The following COL8A1 variants were observed in gnomAD, a reference collection of about 807,000 sequenced individuals.
COL8A1 encodes collagen alpha-1(VIII) chain.
Under a neutral mutation model 42.7 loss-of-function variants are expected in COL8A1, and 21 were observed. The ratio of observed to expected loss-of-function variants is 0.49; its 90% CI spans 0.35 to 0.71. The LOEUF (loss-of-function observed/expected upper bound fraction) is 0.71. Among genes scored for constraint, COL8A1 ranks in the 30% least tolerant of loss-of-function variants. COL8A1 has a pLI of 0.01. For missense variants in COL8A1, 788 were observed against 962.4 expected (o/e 0.82, Z 2.40); for synonymous variants, 367 against 369.1 (o/e 0.99, Z 0.06).
intron 2 of COL8A1, among the ~76,000 whole-genome samples, chr3:99,785,221 G>A (rs939824290): frequency 6.6e-6 from 1 of 152,142 alleles, no homozygotes. Context: ...TCAAAAATAT[G>A]AGGGCTTTCT....
chr3:99,745,218 C>T (rs1487074010), intron 2 of COL8A1, among the ~76,000 whole-genome samples, 197 bp downstream of exon 2: 1 of 152,138 alleles, frequency 6.6e-6, no homozygotes, highest in Non-Finnish European at 1.5e-5. Flanking sequence ...GTTTTCAAAT[C>T]CCCTGTAGTA....
At chr3:99,734,567 T>A (rs1940639189) in intron 1 of COL8A1, among the ~76,000 whole-genome samples, 1 of 152,060 alleles carries the variant, frequency 6.6e-6, no homozygotes, top group African/African-American at 2.4e-5. Flanking sequence ...GTAGTATAGT[T>A]TGAAGTCAGG....
chr3:99,736,087 C>G (rs1306723612), intron 1 of COL8A1, among the ~76,000 whole-genome samples: 3 of 151,888 alleles, frequency 2.0e-5, no homozygotes, highest in African/African-American at 7.3e-5. Context: ...TTTTGTTGAT[C>G]CTTTCAAAAA....
chr3:99,700,325 T>G (rs1576437489), intron 1 of COL8A1, among the ~76,000 whole-genome samples: 1 of 147,938 alleles, frequency 6.8e-6, no homozygotes, highest in African/African-American at 2.5e-5. Context: ...AGAACTCGCG[T>G]GAAATGGTGT....
chr3:99,677,672 G>C (rs778166022), intron 1 of COL8A1: 2 of 152,164 alleles, frequency 1.3e-5, no homozygotes, highest in Admixed American at 6.6e-5. Flanking sequence ...AAGGTGGAAA[G>C]TACTCAAATA....
intron 1 of COL8A1, among the ~76,000 whole-genome samples, chr3:99,723,313 C>T (rs1355939857): frequency 6.6e-6 from 1 of 151,998 alleles, no homozygotes; most frequent in Non-Finnish European, 1.5e-5. Context: ...AGATACCTAT[C>T]GGCTCAGGGT....
intron 1 of COL8A1, among the ~76,000 whole-genome samples, chr3:99,742,604 C>T (rs529107174): frequency 6.6e-6 from 1 of 152,132 alleles, no homozygotes; most frequent in Non-Finnish European, 1.5e-5. Flanking sequence ...GAGAAAAGAA[C>T]CTCTTTTAAA....
At chr3:99,741,568 T>C (rs1040992936) in intron 1 of COL8A1, among the ~76,000 whole-genome samples, 1 of 152,188 alleles carries the variant, frequency 6.6e-6, no homozygotes, top group Non-Finnish European at 1.5e-5. Flanking sequence ...ATCTGGCAAC[T>C]GGTTAATTGA....
At chr3:99,740,329 A>G (rs1412712600) in intron 1 of COL8A1, among the ~76,000 whole-genome samples, 2 of 152,168 alleles carry the variant, frequency 1.3e-5, no homozygotes, top group African/African-American at 4.8e-5. Flanking sequence ...CAGTACCAGT[A>G]CCAACTTACT....
intron 2 of COL8A1, among the ~76,000 whole-genome samples, chr3:99,785,401 T>C (rs1312345238): frequency 2.0e-5 from 3 of 152,156 alleles, no homozygotes; most frequent in African/African-American, 4.8e-5. Context: ...TTTAGTCTAA[T>C]GGACAAAAAA....
In COL8A1 at chr3:99,727,383, T is replaced by C. The variant is rs1420830797; in HGVS notation, c.-128-17514T>C. Among the ~76,000 whole-genome samples, 3 of 152,170 alleles carry C rather than the reference T, an allele frequency of 2.0e-5. No individual in the cohort carries two copies. In the East Asian group the frequency reaches 5.8e-4, roughly 29 times the overall value. ...AACAGGGACAATTTGACTTCCTCTT[T>C]TCCTAATTGAATACCCTTTATTTCC... On this transcript the variant is annotated intron_variant, in intron 1 of 3. Coordinates refer to ENST00000652472, the MANE Select transcript of COL8A1 (RefSeq NM_020351.4).
At chr3:99,771,830 G>A (rs1303837866) in intron 2 of COL8A1, among the ~76,000 whole-genome samples, 1 of 152,154 alleles carries the variant, frequency 6.6e-6, no homozygotes. Context: ...GCCATATGGG[G>A]ACATTAAGAA....
chr3:99,657,103 T>TA (rs761242796), intron 1 of COL8A1, among the ~76,000 whole-genome samples: 4 of 152,202 alleles, frequency 2.6e-5, no homozygotes, highest in Non-Finnish European at 5.9e-5. Flanking sequence ...GCTTTGTACC[T>TA]AAAAAACTGA....
At chr3:99,750,049 CTTTTTTTTTTTTTTTT>C (rs1176042144) in intron 2 of COL8A1, among the ~76,000 whole-genome samples, 3 of 65,968 alleles carry the variant, frequency 4.5e-5, no homozygotes, top group African/African-American at 1.2e-4. Flanking sequence ...TTTTTTTCTT[CTTTTTTTTTTTTTTTT>C]TTTTTTTTTG....
intron 1 of COL8A1, among the ~76,000 whole-genome samples, chr3:99,645,695 T>TAA (rs1283422808): frequency 2.1e-5 from 3 of 143,120 alleles, no homozygotes; most frequent in African/African-American, 7.7e-5. Context: ...AGTTTTCTTT[T>TAA]TAAAAAAAAA....
At position 99,790,870 on chromosome 3, in the gene COL8A1, T is replaced by C; in HGVS notation, c.188T>C (p.Leu63Ser). The part of the protein sequence containing the change: ...PLGQQVPHMP[L>S]AKDGLAMGKE... ...GGTCAGCAAGTACCTCACATGCCTTTGGCCAAAGATGGCCTTGCCATGGGC... is the reference window on the plus strand; with the variant it reads ...GGTCAGCAAGTACCTCACATGCCTTCGGCCAAAGATGGCCTTGCCATGGGC... The change falls in exon 3 of 4, where the codon TTG becomes TCG. Residue 63 changes from leucine (L) to serine (S), a missense_variant. By Grantham distance (145) the Leu-to-Ser change is moderately radical. Around this residue, in one of 4 missense-constraint regions of COL8A1, gnomAD observed 421 missense variants for 553.1 expected, o/e 0.76. Transcript: ENST00000652472. 2 of 1,614,272 alleles carry C rather than the reference T, an allele frequency of 1.2e-6. No homozygotes were observed. The highest frequency in any genetic ancestry group is 1.7e-6 in the Non-Finnish European group (2 of 1,180,046).
At chr3:99,734,927 T>C (rs1282554196) in intron 1 of COL8A1, among the ~76,000 whole-genome samples, 2 of 150,810 alleles carry the variant, frequency 1.3e-5, no homozygotes, top group Non-Finnish European at 2.9e-5. Flanking sequence ...GAATGGGAGT[T>C]CACTCATGAT....
intron 2 of COL8A1, among the ~76,000 whole-genome samples, chr3:99,776,579 A>T (rs952269620): frequency 6.6e-6 from 1 of 152,276 alleles, no homozygotes; most frequent in Non-Finnish European, 1.5e-5. Context: ...ATAAATGAAA[A>T]TGTTACCGGA....
chr3:99,644,050 C>A (rs566891834), intron 1 of COL8A1, among the ~76,000 whole-genome samples: 4 of 152,100 alleles, frequency 2.6e-5, no homozygotes, highest in Non-Finnish European at 4.4e-5. Context: ...AGAGACAAGA[C>A]AGTGAAGCTA....
Sources: allele counts gnomAD v4.1 joint callset (sites outside exome capture counted in the v4.1 genomes callset), GRCh38; gene constraint gnomAD v4.1.1; regional missense constraint gnomAD v4.1.1; transcripts MANE v1.5; gene names NCBI Gene and HGNC (gene_info 2026-07-23, HGNC 2026-07-21).